The following PSMD1 variants were observed in gnomAD, a reference collection of about 807,000 sequenced individuals.
PSMD1 encodes 26S proteasome non-ATPase regulatory subunit 1.
A neutral mutation model predicts 119.0 loss-of-function variants in PSMD1; 18 were observed. That is an observed-to-expected ratio of 0.15 (90% CI 0.10 to 0.22). The LOEUF (loss-of-function observed/expected upper bound fraction) is 0.22, where lower values mean the gene tolerates loss of function less well. Among genes scored for constraint, PSMD1 ranks in the 10% least tolerant of loss-of-function variants. The probability of loss-of-function intolerance (pLI) is 1.00; values close to 1 mark genes in which losing one functional copy is unlikely to be tolerated. For missense variants in PSMD1, 702 were observed against 1,158.5 expected, an observed-to-expected ratio of 0.61 and a Z score of 5.72; for synonymous variants, 374 against 396.6, an observed-to-expected ratio of 0.94 and a Z score of 0.68.
Position 231,165,886 on chromosome 2 carries a change from A to G in PSMD1, c.2584A>G (p.Lys862Glu), listed in dbSNP as rs962486469. Residue 862 changes from lysine to glutamate, a missense_variant, in exon 23 of 25, where the codon AAG (lysine) becomes GAG (glutamate). Physicochemically the swap from Lys to Glu is moderately conservative, Grantham distance 56. Transcript: ENST00000308696. The part of the protein sequence containing the change: ...EKMEVDEAEK[K>E]EEKEKKKEPE... ...TATTTTATAGGATGAGGCAGAGAAA[A>G]AGGAGGAAAAAGAGAAGAAAAAAGA... 6.2e-7 allele frequency: 1 copy of G among 1,611,578 alleles called. No individual in the cohort carries two copies. Among genetic ancestry groups the G allele is most frequent in the Non-Finnish European group, 8.5e-7 (1 of 1,178,490 alleles).
rs546461403 is a variant in PSMD1, at chr2:231,066,847, C to A, written c.305-59C>A. ...TATATGATTATAAATATAGGCATTGCCCTTTCTGATAGTTTAGCCCAATTT... is the reference window on the plus strand; with the variant it reads ...TATATGATTATAAATATAGGCATTGACCTTTCTGATAGTTTAGCCCAATTT... On this transcript the variant is annotated intron_variant, in intron 4 of 24. Transcript: ENST00000308696. 82 of 1,341,642 alleles carry A rather than the reference C, an allele frequency of 6.1e-5. No individual in the cohort carries two copies. In the Admixed American group the frequency reaches 2.0e-3, roughly 32 times the overall value. 83.1% of individuals were successfully genotyped at this position (1,341,642 alleles called of 1,614,324 possible).
At chr2:231,113,847 A>G in intron 16 of PSMD1, 2 of 1,614,186 alleles carry the variant, frequency 1.2e-6, no homozygotes, top group Non-Finnish European at 1.7e-6. Context: ...TGGCACAGAG[A>G]TGCATGATGG....
chr2:231,165,212 G>A lies in PSMD1; in HGVS notation c.2494G>A (p.Val832Ile). ...EKEKEKVSTA[V>I]LSITAKAKKK... ...CTCATTTCCCCAGGTTTCTACTGCT[G>A]TATTATCTATAACTGCCAAGGCTAA... Residue 832 changes from valine (V) to isoleucine (I), a missense_variant, in exon 22 of 25, where the codon GTA (valine) becomes ATA (isoleucine). Around this residue, in one of 9 missense-constraint regions of PSMD1, gnomAD observed 152 missense variants for 239.3 expected, o/e 0.64. Transcript: ENST00000308696. The A allele has an allele frequency of 7.5e-6, 12 of 1,606,094 alleles. No individual in the cohort carries two copies. Among genetic ancestry groups the A allele is most frequent in the Non-Finnish European group, 1.0e-5 (12 of 1,175,350 alleles).
At chr2:231,144,594 A>G in intron 17 of PSMD1, among the ~76,000 whole-genome samples, 1 of 150,532 alleles carries the variant, frequency 6.6e-6, no homozygotes, top group South Asian at 2.1e-4. Flanking sequence ...TTGTATTTTT[A>G]GTAGAGAAGG....
intron 16 of PSMD1, among the ~76,000 whole-genome samples, chr2:231,130,801 T>G (rs1695836805): frequency 6.6e-6 from 1 of 152,206 alleles, no homozygotes; most frequent in Non-Finnish European, 1.5e-5. Context: ...AGAAATAAGC[T>G]TTATTGCTGA....
chr2:231,103,797 G>A (rs1398216662), intron 16 of PSMD1, among the ~76,000 whole-genome samples: 1 of 152,114 alleles, frequency 6.6e-6, no homozygotes, highest in Admixed American at 6.5e-5. Flanking sequence ...TATTCTCCTT[G>A]AGAGAAAAGA....
At chr2:231,171,415 A>C (rs749032004) in intron 24 of PSMD1, among the ~76,000 whole-genome samples, 1 of 152,092 alleles carries the variant, frequency 6.6e-6, no homozygotes, top group Non-Finnish European at 1.5e-5. Context: ...GAAAGTTTGG[A>C]GTAATCTAAT....
intron 23 of PSMD1, among the ~76,000 whole-genome samples, chr2:231,167,016 A>G (rs1395996926): frequency 6.6e-6 from 1 of 152,226 alleles, no homozygotes; most frequent in Non-Finnish European, 1.5e-5. Flanking sequence ...CTCATCTGTA[A>G]AATTGATATG....
rs911957411 is a variant in PSMD1 at position 231,062,333 on chromosome 2, T to C, written c.134+12T>C. The C allele has an allele frequency of 1.4e-5, 23 of 1,587,244 alleles. No homozygotes were observed. Among genetic ancestry groups the C allele is most frequent in the Admixed American group, 3.4e-5 (2 of 59,636 alleles). On this transcript the variant is annotated intron_variant, in intron 3 of 24. Transcript: ENST00000308696. Reference sequence around the variant, plus strand: ...TCCGTAGACAAAATGTAAGAAATTATTTTTATAAATCAGAATAAGATGGAT... The same window carrying C: ...TCCGTAGACAAAATGTAAGAAATTACTTTTATAAATCAGAATAAGATGGAT...
At chr2:231,123,485 T>G in intron 16 of PSMD1, 1 of 1,614,036 alleles carries the variant, frequency 6.2e-7, no homozygotes, top group South Asian at 1.1e-5. Context: ...GCCAAGGACA[T>G]TAGAAAGTAA....
intron 23 of PSMD1, 30 bp downstream of exon 23, chr2:231,166,047 T>C (rs1297558999): frequency 1.3e-6 from 2 of 1,568,176 alleles, no homozygotes; most frequent in African/African-American, 1.4e-5. Context: ...TAGCTGTATA[T>C]ACCAGTGGGA....
chr2:231,069,907 T>G, intron 5 of PSMD1, 118 bp from the exon 6 acceptor site: 1 of 754,044 alleles, frequency 1.3e-6, no homozygotes, highest in Non-Finnish European at 1.8e-6. Context: ...GCTTAAGAGG[T>G]CTAAATAATT....
At chr2:231,082,572 G>T (rs1007327781) in intron 12 of PSMD1, among the ~76,000 whole-genome samples, 1 of 152,170 alleles carries the variant, frequency 6.6e-6, no homozygotes, top group African/African-American at 2.4e-5. Flanking sequence ...AGGCGTGGTG[G>T]CAGCCACCTG....
At chr2:231,095,166 A>G (rs2125187190) in intron 16 of PSMD1, among the ~76,000 whole-genome samples, 1 of 152,302 alleles carries the variant, frequency 6.6e-6, no homozygotes, top group Middle Eastern at 3.4e-3. Context: ...TTTTTGCTGC[A>G]GGAGTTAAAT....
In PSMD1 at chr2:231,166,001, A is replaced by G; in HGVS notation, c.2699A>G (p.Tyr900Cys). Residue 900 changes from tyrosine to cysteine, a missense_variant, in exon 23 of 25, where the codon TAC (tyrosine) becomes TGC (cysteine). Around this residue, in one of 9 missense-constraint regions of PSMD1, gnomAD observed 152 missense variants for 239.3 expected, o/e 0.64. Coordinates refer to ENST00000308696, the MANE Select transcript of PSMD1 (RefSeq NM_002807.4). ...CTAACCATGCCGGAGACCTGTAGAT[A>G]CCAGCCTTTCAAACCAGTAAGTTAC... ...KVLTMPETCR[Y>C]QPFKPLSIGG... 1 of 1,613,248 alleles carries G rather than the reference A, an allele frequency of 6.2e-7. No homozygotes were observed. The highest frequency in any genetic ancestry group is 8.5e-7 in the Non-Finnish European group (1 of 1,179,632).
chr2:231,056,872 G>C lies in PSMD1; in HGVS notation c.-154G>C, dbSNP rs12469096. On this transcript the variant is annotated 5_prime_UTR_variant, in exon 1 of 25. Transcript: ENST00000308696. Reference sequence around the variant, plus strand: ...GCAGCCCCTGGGCGGGCGGGGTCCTGGCGAGAAGCGAGCCGGCGGCCTGAG... The same window carrying C: ...GCAGCCCCTGGGCGGGCGGGGTCCTCGCGAGAAGCGAGCCGGCGGCCTGAG... The C allele has an allele frequency of 0.17, 182,459 of 1,073,942 alleles. 16,606 individuals carry two copies. The highest frequency in any genetic ancestry group is 0.23 in the African/African-American group (14,300 of 61,016). 66.5% of individuals were successfully genotyped at this position (1,073,942 alleles called of 1,614,324 possible). A position where few individuals can be genotyped will look rare whatever the true frequency, so the allele number is the denominator to read the frequency against.
chr2:231,166,161 G>A (rs1172374820), intron 23 of PSMD1, 144 bp downstream of exon 23: 3 of 939,620 alleles, frequency 3.2e-6, no homozygotes, highest in African/African-American at 1.6e-5. Context: ...AAGAGAGAAT[G>A]TTCTTTTCCA....
At chr2:231,071,744 A>G (rs1203303375) in intron 6 of PSMD1, among the ~76,000 whole-genome samples, 3 of 152,186 alleles carry the variant, frequency 2.0e-5, no homozygotes, top group Non-Finnish European at 4.4e-5. Flanking sequence ...TAAGAGTAGT[A>G]AGAGAAATGC....
chr2:231,164,811 T>G (rs985906402), intron 21 of PSMD1: 4 of 152,314 alleles, frequency 2.6e-5, no homozygotes, highest in Non-Finnish European at 5.9e-5. Flanking sequence ...CTATTTTCCA[T>G]TGCTTTCCTG....
Sources: allele counts gnomAD v4.1 joint callset (sites outside exome capture counted in the v4.1 genomes callset), GRCh38; gene constraint gnomAD v4.1.1; regional missense constraint gnomAD v4.1.1; transcripts MANE v1.5; gene names NCBI Gene and HGNC (gene_info 2026-07-23, HGNC 2026-07-21).